Variants in VAPB observed in about 807,000 individuals in gnomAD.
VAPB encodes vesicle-associated membrane protein-associated protein B/C.
Under a neutral mutation model 25.6 loss-of-function variants are expected in VAPB, and 7 were observed. That is an observed-to-expected ratio of 0.27 (90% CI 0.16 to 0.51). The LOEUF is 0.51. Ranked by LOEUF, VAPB falls within the 20% of genes least tolerant of loss-of-function variation. The pLI is 0.97. For missense variants in VAPB, 266 were observed against 301.3 expected (o/e 0.88, Z 0.87); for synonymous variants, 112 against 109.2 (o/e 1.03, Z -0.16).
chr20:58,425,757 T>C (rs573030658), intron 2 of VAPB, among the ~76,000 whole-genome samples: 3 of 152,326 alleles, frequency 2.0e-5, no homozygotes, highest in African/African-American at 7.2e-5. Flanking sequence ...TCATTCTCAC[T>C]GCAGCCCTGC....
chr20:58,400,018 G>A (rs1295457163), intron 1 of VAPB, among the ~76,000 whole-genome samples: 1 of 152,124 alleles, frequency 6.6e-6, no homozygotes, highest in Admixed American at 6.5e-5. Flanking sequence ...GTACGTACTC[G>A]AGAAATCAGT....
chr20:58,395,371 G>A (rs1987929776), intron 1 of VAPB, among the ~76,000 whole-genome samples: 1 of 152,006 alleles, frequency 6.6e-6, no homozygotes, highest in Non-Finnish European at 1.5e-5. Context: ...AGATGGTCTC[G>A]ATCTCTTGAC....
Position 58,450,455 on chromosome 20 carries a change from C to A in VAPB, c.*6220C>A, listed in dbSNP as rs755927822. ...AGTAAGGTGACTCAAGATGATACAC[C>A]GAGAGAAAAATGCAAAATATATTTG... On this transcript the variant is annotated 3_prime_UTR_variant, in exon 6 of 6. Coordinates refer to ENST00000475243, the MANE Select transcript of VAPB (RefSeq NM_004738.5). The A allele has an allele frequency of 4.4e-6, 2 of 453,830 alleles. No homozygotes were observed. The highest frequency in any genetic ancestry group is 3.1e-5 in the South Asian group (2 of 64,444). 28.1% of individuals were successfully genotyped at this position (453,830 alleles called of 1,614,324 possible).
chr20:58,397,807 G>C (rs186451587), intron 1 of VAPB, among the ~76,000 whole-genome samples: 109 of 152,278 alleles, frequency 7.2e-4, no homozygotes, highest in African/African-American at 2.5e-3. Flanking sequence ...ATAAGGGTGA[G>C]TTAATAAACT....
At chr20:58,413,774 G>C (rs1409739431) in intron 1 of VAPB, among the ~76,000 whole-genome samples, 1 of 151,282 alleles carries the variant, frequency 6.6e-6, no homozygotes, top group African/African-American at 2.4e-5. Flanking sequence ...CGGGCGGGGG[G>C]CTGACCTCCC....
chr20:58,391,572 C>T (rs1233723618), intron 1 of VAPB, among the ~76,000 whole-genome samples: 2 of 151,778 alleles, frequency 1.3e-5, no homozygotes, highest in African/African-American at 2.4e-5. Context: ...CTCACTCTGT[C>T]ACCCAGGCTG....
At chr20:58,442,889 G>C (rs1293121297) in intron 5 of VAPB, among the ~76,000 whole-genome samples, 2 of 152,198 alleles carry the variant, frequency 1.3e-5, no homozygotes, top group Non-Finnish European at 2.9e-5. Flanking sequence ...GGAAGGAAAC[G>C]AAGAAAAGAA....
At chr20:58,400,777 A>G (rs966041277) in intron 1 of VAPB, among the ~76,000 whole-genome samples, 1 of 152,200 alleles carries the variant, frequency 6.6e-6, no homozygotes, top group Non-Finnish European at 1.5e-5. Context: ...AAAAAGAGAA[A>G]TTTGCTGAAA....
chr20:58,425,621 T>C (rs2123071298), intron 2 of VAPB, among the ~76,000 whole-genome samples: 1 of 152,272 alleles, frequency 6.6e-6, no homozygotes, highest in East Asian at 1.9e-4. Context: ...GGAACTGTGG[T>C]ATGAAATGGT....
chr20:58,445,067 T>C lies in VAPB; in HGVS notation c.*832T>C. The stretch of plus-strand genomic sequence containing the variant: ...GCTGCTGGAGGGCTGTGGGCTCCTC[T>C]GTCTCTGGAGAGTCTGGTCATGTGG... On this transcript the variant is annotated 3_prime_UTR_variant, in exon 6 of 6. Transcript: ENST00000475243. 2.2e-6 allele frequency: 1 copy of C among 454,786 alleles called. No individual in the cohort carries two copies. Among genetic ancestry groups the C allele is most frequent in the East Asian group, 6.9e-5 (1 of 14,404 alleles). The allele number at this position is 454,786 out of a possible 1,614,324, so 28.2% of individuals were successfully genotyped here.
At chr20:58,416,746 G>T (rs1400256740) in intron 1 of VAPB, among the ~76,000 whole-genome samples, 1 of 148,762 alleles carries the variant, frequency 6.7e-6, no homozygotes, top group African/African-American at 2.5e-5. Context: ...ATTAAGGTAA[G>T]CCCATATCAG....
intron 4 of VAPB, chr20:58,439,987 G>A (rs956785530): frequency 6.6e-6 from 1 of 152,208 alleles, no homozygotes; most frequent in Non-Finnish European, 1.5e-5. Context: ...ATCTATGTTG[G>A]TCTGCGCGAG....
Position 58,445,718 on chromosome 20 carries a change from G to GTA in VAPB, c.*1484_*1485insAT, listed in dbSNP as rs1989273357. The GTA allele has an allele frequency of 2.3e-6, 1 of 430,634 alleles. No homozygotes were observed. The highest frequency in any genetic ancestry group is 2.3e-5 in the African/African-American group (1 of 43,040). The allele number at this position is 430,634 out of a possible 1,614,324, so 26.7% of individuals were successfully genotyped here. A position where few individuals can be genotyped will look rare whatever the true frequency, so the allele number is the denominator to read the frequency against. On this transcript the variant is annotated 3_prime_UTR_variant, in exon 6 of 6. Coordinates refer to ENST00000475243, the MANE Select transcript of VAPB (RefSeq NM_004738.5). ...TGTGTGTGTGTGTGTGTGTGTGTGT[G>GTA]TGTATTTTTTTTTTGGTTGTCTTCA...
At chr20:58,419,961 A>G (rs567611366) in intron 2 of VAPB, among the ~76,000 whole-genome samples, 9 of 151,868 alleles carry the variant, frequency 5.9e-5, no homozygotes, top group South Asian at 4.2e-4. Flanking sequence ...ATAAATATGT[A>G]TGGGTGGGTG....
At chr20:58,420,183 C>T (rs1429645034) in intron 2 of VAPB, among the ~76,000 whole-genome samples, 1 of 152,116 alleles carries the variant, frequency 6.6e-6, no homozygotes, top group East Asian at 1.9e-4. Context: ...CAGGGTTTCA[C>T]CATGTTGGCT....
chr20:58,446,235 A>G lies in VAPB; in HGVS notation c.*2000A>G. The stretch of plus-strand genomic sequence containing the variant: ...GTGTCCCCCAGTACTTATAAAAGGG[A>G]GTGAAAAGACCGAGCTGTAAGGCAT... On this transcript the variant is annotated 3_prime_UTR_variant, in exon 6 of 6. Coordinates refer to ENST00000475243, the MANE Select transcript of VAPB (RefSeq NM_004738.5). 1 of 454,058 alleles carries G rather than the reference A, an allele frequency of 2.2e-6. No homozygotes were observed. Among genetic ancestry groups the G allele is most frequent in the Non-Finnish European group, 4.4e-6 (1 of 226,774 alleles). 28.1% of individuals were successfully genotyped at this position (454,058 alleles called of 1,614,324 possible).
intron 1 of VAPB, among the ~76,000 whole-genome samples, chr20:58,395,521 G>T (rs748795507): frequency 6.6e-6 from 1 of 152,276 alleles, no homozygotes; most frequent in Middle Eastern, 3.4e-3. Flanking sequence ...TGGGACGAAT[G>T]AGCACAGCTT....
At chr20:58,443,650 C>T (rs1416035799) in intron 5 of VAPB, among the ~76,000 whole-genome samples, 5 of 151,794 alleles carry the variant, frequency 3.3e-5, no homozygotes, top group South Asian at 2.1e-4. Context: ...TTTTAAAAAT[C>T]GATGATTTGA....
chr20:58,432,711 G>A (rs946856564), intron 2 of VAPB, among the ~76,000 whole-genome samples: 1 of 152,122 alleles, frequency 6.6e-6, no homozygotes, highest in Admixed American at 6.5e-5. Context: ...GCAATCTTAG[G>A]GGCAGGAAAA....
Sources: gnomAD v4.1 joint callset for allele counts (sites outside exome capture counted in the v4.1 genomes callset) on GRCh38, gnomAD v4.1.1 for gene constraint, MANE v1.5 for transcripts, NCBI Gene and HGNC (gene_info 2026-07-23, HGNC 2026-07-21) for gene names.